The following ARFIP1 variants were observed in gnomAD, a reference collection of about 807,000 sequenced individuals.
The protein encoded by ARFIP1 is ARF interacting protein 1.
A neutral mutation model predicts 42.5 loss-of-function variants in ARFIP1; 24 were observed. That is an observed-to-expected ratio of 0.57 (90% CI 0.41 to 0.80). The LOEUF (loss-of-function observed/expected upper bound fraction) is 0.80. Ranked by LOEUF, ARFIP1 falls within the 30% of genes least tolerant of loss-of-function variation. The probability of loss-of-function intolerance (pLI) is 0.00; values close to 1 mark genes in which losing one functional copy is unlikely to be tolerated. For synonymous variants in ARFIP1, 141 were observed against 153.7 expected (o/e 0.92, Z 0.61); for missense variants, 354 against 434.0 (o/e 0.82, Z 1.64).
At chr4:152,820,727 G>C (rs537818237) in intron 1 of ARFIP1, among the ~76,000 whole-genome samples, 3 of 152,190 alleles carry the variant, frequency 2.0e-5, no homozygotes, top group Admixed American at 2.0e-4. Context: ...CCTCCCACCA[G>C]GCTCCTCTTC....
chr4:152,883,520 A>C (rs1274861783), intron 7 of ARFIP1, among the ~76,000 whole-genome samples: 6 of 151,856 alleles, frequency 4.0e-5, no homozygotes, highest in Non-Finnish European at 7.4e-5. Context: ...TTCAAATTTT[A>C]CCTTTTATAT....
At chr4:152,843,106 G>A (rs1045344943) in intron 2 of ARFIP1, among the ~76,000 whole-genome samples, 1 of 152,056 alleles carries the variant, frequency 6.6e-6, no homozygotes. Flanking sequence ...TGTCCTATGG[G>A]GTGTTCGCTT....
At chr4:152,803,734 G>C (rs62319863) in intron 1 of ARFIP1, among the ~76,000 whole-genome samples, 6,489 of 151,912 alleles carry the variant, frequency 0.043, 175 homozygotes, top group South Asian at 0.11. Context: ...GAGGTTCCTG[G>C]ATGCAGCTGT....
intron 1 of ARFIP1, among the ~76,000 whole-genome samples, chr4:152,785,800 G>A (rs923844736): frequency 5.3e-5 from 8 of 152,190 alleles, no homozygotes; most frequent in Non-Finnish European, 1.0e-4. Context: ...CTAGCCACAT[G>A]TAGCTATTTA....
At chr4:152,818,709 ATAGG>A (rs1450344972) in intron 1 of ARFIP1, among the ~76,000 whole-genome samples, 2 of 152,174 alleles carry the variant, frequency 1.3e-5, no homozygotes, top group Non-Finnish European at 2.9e-5. Context: ...GTGTCTCTGA[ATAGG>A]TTGGTGGCCT....
chr4:152,804,455 TATATA>T (rs1286241753), intron 1 of ARFIP1, among the ~76,000 whole-genome samples: 2 of 111,146 alleles, frequency 1.8e-5, no homozygotes, highest in African/African-American at 6.7e-5. Context: ...ATATATATTA[TATATA>T]ATATATAATA....
intron 1 of ARFIP1, among the ~76,000 whole-genome samples, chr4:152,784,064 G>C (rs1730656745): frequency 6.6e-6 from 1 of 152,178 alleles, no homozygotes; most frequent in African/African-American, 2.4e-5. Flanking sequence ...AATAAATTCA[G>C]AATGGAAGAA....
intron 1 of ARFIP1, among the ~76,000 whole-genome samples, chr4:152,795,104 C>G (rs562220502): frequency 1.1e-4 from 16 of 152,274 alleles, no homozygotes; most frequent in African/African-American, 3.9e-4. Context: ...CCACCCCTTT[C>G]TCACCTGCCC....
chr4:152,818,229 A>G (rs942761426), intron 1 of ARFIP1, among the ~76,000 whole-genome samples: 13 of 152,346 alleles, frequency 8.5e-5, no homozygotes, highest in African/African-American at 2.9e-4. Context: ...CTCTGAAAGA[A>G]GCAGCAGGCA....
chr4:152,904,176 G>GTATATATATATATATA (rs1435452275), intron 8 of ARFIP1, among the ~76,000 whole-genome samples: 3 of 98,994 alleles, frequency 3.0e-5, no homozygotes, highest in African/African-American at 7.2e-5. Flanking sequence ...ATATGTGTGT[G>GTATATATATATATATA]TGTGTATATA....
chr4:152,841,602 C>G (rs1326975685), intron 2 of ARFIP1, among the ~76,000 whole-genome samples: 2 of 152,250 alleles, frequency 1.3e-5, no homozygotes, highest in African/African-American at 4.8e-5. Flanking sequence ...GGCTGATTCT[C>G]TCAGCATTTG....
chr4:152,868,754 C>T (rs573520459), intron 3 of ARFIP1, among the ~76,000 whole-genome samples: 1 of 152,188 alleles, frequency 6.6e-6, no homozygotes, highest in East Asian at 1.9e-4. Context: ...ATCCCTTATG[C>T]CTTGGACGGT....
chr4:152,891,688 T>C (rs556952355), intron 8 of ARFIP1, among the ~76,000 whole-genome samples: 8 of 152,158 alleles, frequency 5.3e-5, no homozygotes, highest in African/African-American at 1.7e-4. Flanking sequence ...CTTAGCACTT[T>C]AATTTGTTTG....
chr4:152,863,021 A>T (rs1384852931), intron 2 of ARFIP1, among the ~76,000 whole-genome samples: 2 of 152,150 alleles, frequency 1.3e-5, no homozygotes, highest in Non-Finnish European at 2.9e-5. Flanking sequence ...CTTAAGACCC[A>T]GTGTTGAATA....
chr4:152,799,805 G>A (rs558543365), intron 1 of ARFIP1, among the ~76,000 whole-genome samples: 61 of 152,310 alleles, frequency 4.0e-4, no homozygotes, highest in African/African-American at 1.4e-3. Flanking sequence ...AGCCAATGAT[G>A]GGATTCATAA....
intron 1 of ARFIP1, among the ~76,000 whole-genome samples, chr4:152,819,430 A>G (rs957012171): frequency 6.6e-6 from 1 of 151,580 alleles, no homozygotes. Context: ...CTTCCCTCCC[A>G]CCCCCATCGG....
At chr4:152,872,410 G>A in intron 4 of ARFIP1, 42 bp from the exon 5 acceptor site, 1 of 1,298,796 alleles carries the variant, frequency 7.7e-7, no homozygotes, top group Non-Finnish European at 1.1e-6. Flanking sequence ...TTCCCTGCTT[G>A]TCTTCATCTG....
intron 8 of ARFIP1, among the ~76,000 whole-genome samples, chr4:152,907,594 C>G (rs903967441): frequency 1.3e-5 from 2 of 152,122 alleles, no homozygotes; most frequent in Non-Finnish European, 2.9e-5. Flanking sequence ...ATATCATTCA[C>G]ATATGAATAT....
intron 8 of ARFIP1, among the ~76,000 whole-genome samples, chr4:152,893,176 T>C (rs1737006955): frequency 6.6e-6 from 1 of 152,204 alleles, no homozygotes; most frequent in African/African-American, 2.4e-5. Context: ...AGTGCATGTT[T>C]GCCTTCTTCC....
Sources: gnomAD v4.1 joint callset for allele counts (sites outside exome capture counted in the v4.1 genomes callset) on GRCh38, gnomAD v4.1.1 for gene constraint, MANE v1.5 for transcripts, NCBI Gene and HGNC (gene_info 2026-07-23, HGNC 2026-07-21) for gene names.